The following VEGFC variants were observed in gnomAD, a reference collection of about 807,000 sequenced individuals.
VEGFC encodes FLT4 ligand DHM.
In VEGFC, 12 loss-of-function variants were observed where a neutral mutation model predicts 46.1. That is an observed-to-expected ratio of 0.26 (90% CI 0.17 to 0.42). VEGFC has a LOEUF of 0.42. Among genes scored for constraint, VEGFC ranks in the 10% least tolerant of loss-of-function variants. The pLI, the probability that VEGFC is intolerant of heterozygous loss-of-function variation, is 1.00. For synonymous variants in VEGFC, 232 were observed against 195.5 expected (o/e 1.19, Z -1.56); for missense variants, 488 against 529.4 (o/e 0.92, Z 0.77).
At chr4:176,689,224 C>T (rs972984528) in intron 4 of VEGFC, 2 of 152,120 alleles carry the variant, frequency 1.3e-5, no homozygotes, top group Non-Finnish European at 2.9e-5. Context: ...TAGTAAGAAT[C>T]CTATGTAGCC....
intron 4 of VEGFC, among the ~76,000 whole-genome samples, chr4:176,704,462 T>C (rs760153306): frequency 3.4e-4 from 51 of 152,168 alleles, no homozygotes; most frequent in Non-Finnish European, 5.7e-4. Context: ...ATGTCATCCA[T>C]ACAGTTTCAT....
At chr4:176,702,266 A>T (rs74472362) in intron 4 of VEGFC, among the ~76,000 whole-genome samples, 2,442 of 152,296 alleles carry the variant, frequency 0.016, 67 homozygotes, top group African/African-American at 0.056. Context: ...ACATTTTAAT[A>T]AAAGAAATAA....
intron 1 of VEGFC, among the ~76,000 whole-genome samples, chr4:176,784,069 T>TGTTTG (rs1553998065): frequency 5.0e-5 from 7 of 140,120 alleles, no homozygotes; most frequent in Admixed American, 2.1e-4. Flanking sequence ...TGCTGTTTTT[T>TGTTTG]TTTTTTTTTT....
intron 3 of VEGFC, among the ~76,000 whole-genome samples, chr4:176,723,229 A>G (rs1252689563): frequency 6.6e-6 from 1 of 152,164 alleles, no homozygotes; most frequent in Non-Finnish European, 1.5e-5. Flanking sequence ...ACAGATATCT[A>G]TATCTCATCT....
At chr4:176,759,797 T>C (rs1193488832) in intron 1 of VEGFC, among the ~76,000 whole-genome samples, 1 of 152,060 alleles carries the variant, frequency 6.6e-6, no homozygotes, top group Non-Finnish European at 1.5e-5. Context: ...GAACAAGACA[T>C]GCTTTTTGGA....
At chr4:176,781,399 T>A (rs1735912490) in intron 1 of VEGFC, among the ~76,000 whole-genome samples, 1 of 152,160 alleles carries the variant, frequency 6.6e-6, no homozygotes, top group South Asian at 2.1e-4. Flanking sequence ...AAGGATAAAG[T>A]AACTAAATAC....
intron 1 of VEGFC, among the ~76,000 whole-genome samples, chr4:176,765,127 T>C (rs1261033293): frequency 3.9e-5 from 6 of 152,116 alleles, no homozygotes; most frequent in African/African-American, 1.4e-4. Flanking sequence ...GAGCAAAGAA[T>C]AGAATTTATT....
chr4:176,738,213 T>G (rs1047291480), intron 1 of VEGFC, among the ~76,000 whole-genome samples: 1 of 151,990 alleles, frequency 6.6e-6, no homozygotes. Flanking sequence ...AAAAAATTCA[T>G]ATGGAATCAA....
intron 1 of VEGFC, among the ~76,000 whole-genome samples, chr4:176,760,102 T>C (rs1735503338): frequency 1.3e-5 from 2 of 152,008 alleles, no homozygotes; most frequent in South Asian, 2.1e-4. Flanking sequence ...AGATGAAAAA[T>C]AGCGTATTTT....
intron 1 of VEGFC, among the ~76,000 whole-genome samples, chr4:176,761,766 T>A (rs575215316): frequency 6.6e-6 from 1 of 152,228 alleles, no homozygotes; most frequent in Non-Finnish European, 1.5e-5. Context: ...TTTATTATTA[T>A]AGGACACAGA....
At chr4:176,760,729 T>C (rs943934988) in intron 1 of VEGFC, among the ~76,000 whole-genome samples, 2 of 152,194 alleles carry the variant, frequency 1.3e-5, no homozygotes, top group African/African-American at 4.8e-5. Flanking sequence ...TTCCCATGCA[T>C]GTGATATTGC....
intron 4 of VEGFC, among the ~76,000 whole-genome samples, chr4:176,688,950 C>A (rs80127973): frequency 0.074 from 11,207 of 152,220 alleles, 516 homozygotes; most frequent in Non-Finnish European, 0.1. Flanking sequence ...TACTACTAGA[C>A]CTTTTCAGGG....
chr4:176,792,036 G>T lies in VEGFC; in HGVS notation c.147+129C>A. 1 of 1,242,584 alleles carries T rather than the reference G, an allele frequency of 8.0e-7. No homozygotes were observed. The highest frequency in any genetic ancestry group is 1.0e-6 in the Non-Finnish European group (1 of 963,244). 77.0% of individuals were successfully genotyped at this position (1,242,584 alleles called of 1,614,324 possible). A position where few individuals can be genotyped will look rare whatever the true frequency, so the allele number is the denominator to read the frequency against. On this transcript the variant is annotated intron_variant, in intron 1 of 6. Transcript: ENST00000618562. The surrounding 1 kb of genome is among the most constrained non-coding windows in gnomAD (Gnocchi z 6.3). ...TTTTCTCCAAAGCAGCGTGCACTGA[G>T]CTCAGTAACTTTGGATCCCACGTAC... is the stretch of plus-strand genomic sequence containing the variant.
At chr4:176,762,573 A>T (rs1266097744) in intron 1 of VEGFC, among the ~76,000 whole-genome samples, 1 of 152,212 alleles carries the variant, frequency 6.6e-6, no homozygotes, top group Non-Finnish European at 1.5e-5. Flanking sequence ...TCACAGCAGC[A>T]CAAATCAGAC....
At chr4:176,788,193 C>T (rs1307075978) in intron 1 of VEGFC, among the ~76,000 whole-genome samples, 1 of 152,208 alleles carries the variant, frequency 6.6e-6, no homozygotes, top group Admixed American at 6.5e-5. Flanking sequence ...TCTTGTTAAG[C>T]CTCCAGTTAA....
chr4:176,773,895 G>T (rs932769098), intron 1 of VEGFC, among the ~76,000 whole-genome samples: 1 of 151,684 alleles, frequency 6.6e-6, no homozygotes, highest in Non-Finnish European at 1.5e-5. Flanking sequence ...GGGTCTCACC[G>T]TGTTACCCAG....
intron 4 of VEGFC, among the ~76,000 whole-genome samples, chr4:176,690,470 T>C (rs1734136572): frequency 6.6e-6 from 1 of 152,178 alleles, no homozygotes; most frequent in Admixed American, 6.5e-5. Flanking sequence ...CTTACCAATA[T>C]TTCTTGGAGA....
chr4:176,732,389 T>A (rs1734982229), intron 1 of VEGFC, among the ~76,000 whole-genome samples: 1 of 151,942 alleles, frequency 6.6e-6, no homozygotes, highest in Non-Finnish European at 1.5e-5. Context: ...CTTGCATTTG[T>A]AGCAATTAGC....
At chr4:176,706,625 C>CAAAAAAAAA (rs55996370) in intron 4 of VEGFC, among the ~76,000 whole-genome samples, 5 of 63,468 alleles carry the variant, frequency 7.9e-5, no homozygotes, top group African/African-American at 4.1e-4. Context: ...GAATCTGTCT[C>CAAAAAAAAA]AAAAAAAAAA....
Sources: gnomAD v4.1 joint callset for allele counts (sites outside exome capture counted in the v4.1 genomes callset) on GRCh38, gnomAD v4.1.1 for gene constraint, Gnocchi (gnomAD v3.1) non-coding constraint, MANE v1.5 for transcripts, NCBI Gene and HGNC (gene_info 2026-07-23, HGNC 2026-07-21) for gene names.